The following SLC2A13 variants were observed in gnomAD, a reference collection of about 807,000 sequenced individuals.
SLC2A13 encodes proton myo-inositol cotransporter.
SLC2A13 carries 32 observed loss-of-function variants against 64.4 expected under a neutral mutation model. The observed-to-expected ratio is 0.50, with a 90% CI of 0.37 to 0.67. SLC2A13 has a LOEUF of 0.67. SLC2A13 is among the 30% of genes least tolerant of loss of function. The pLI, the probability that SLC2A13 is intolerant of heterozygous loss-of-function variation, is 0.00. For missense variants in SLC2A13, 743 were observed against 829.2 expected, an observed-to-expected ratio of 0.90 and a Z score of 1.28; for synonymous variants, 338 against 327.1, an observed-to-expected ratio of 1.03 and a Z score of -0.36.
At chr12:39,948,685 T>G (rs1946179758) in intron 4 of SLC2A13, among the ~76,000 whole-genome samples, 1 of 152,134 alleles carries the variant, frequency 6.6e-6, no homozygotes, top group Admixed American at 6.5e-5. Flanking sequence ...AAAACGTATT[T>G]CAACTTCTAC....
At position 40,028,346 on chromosome 12, in the gene SLC2A13, T is replaced by G; in HGVS notation, c.880A>C (p.Ser294Arg). The G allele has an allele frequency of 6.2e-7, 1 of 1,614,072 alleles. No homozygotes were observed. Among genetic ancestry groups the G allele is most frequent in the Non-Finnish European group, 8.5e-7 (1 of 1,179,980 alleles). Reference sequence around the variant, plus strand: ...TCCTCTTCAATGTTGTTTTTGATGCTATCATATTCCTCATCAATGGTCTGG... The same window carrying G: ...TCCTCTTCAATGTTGTTTTTGATGCGATCATATTCCTCATCAATGGTCTGG... ...GNQTIDEEYDSIKNNIEEEEK... is the reference protein window; with the variant it reads ...GNQTIDEEYDRIKNNIEEEEK... The change falls in exon 3 of 10, where the codon AGC becomes CGC. Residue 294 changes from serine to arginine, a missense_variant. By Grantham distance (110) the Ser-to-Arg change is moderately radical. Around this residue, in one of 2 missense-constraint regions of SLC2A13, gnomAD observed 448 missense variants for 447.4 expected, o/e 1.00. Coordinates refer to ENST00000280871, the MANE Select transcript of SLC2A13 (RefSeq NM_052885.4).
At chr12:40,081,405 T>A (rs1186413360) in intron 1 of SLC2A13, among the ~76,000 whole-genome samples, 1 of 152,222 alleles carries the variant, frequency 6.6e-6, no homozygotes, top group Non-Finnish European at 1.5e-5. Flanking sequence ...TTATTTTTTT[T>A]ATTTTGTCCA....
chr12:39,821,192 T>A (rs1245909332), intron 7 of SLC2A13, among the ~76,000 whole-genome samples: 1 of 152,100 alleles, frequency 6.6e-6, no homozygotes, highest in Non-Finnish European at 1.5e-5. Context: ...GGCGGGCGGA[T>A]CATGAGGTCA....
At chr12:39,858,098 A>G (rs1297351223) in intron 6 of SLC2A13, among the ~76,000 whole-genome samples, 1 of 152,214 alleles carries the variant, frequency 6.6e-6, no homozygotes, top group Non-Finnish European at 1.5e-5. Context: ...TAAATGGCAA[A>G]CTTCCTCCAA....
intron 3 of SLC2A13, among the ~76,000 whole-genome samples, chr12:39,969,197 C>T (rs1946594824): frequency 6.6e-6 from 1 of 152,094 alleles, no homozygotes; most frequent in African/African-American, 2.4e-5. Context: ...TCCAGTCTAT[C>T]ATTGATGGAC....
At chr12:39,999,294 C>G (rs992302384) in intron 3 of SLC2A13, among the ~76,000 whole-genome samples, 2 of 152,170 alleles carry the variant, frequency 1.3e-5, no homozygotes, top group East Asian at 3.9e-4. Flanking sequence ...GTCTGACTGC[C>G]CGCGGGGTCA....
chr12:40,085,721 G>A (rs1428007822), intron 1 of SLC2A13, among the ~76,000 whole-genome samples: 5 of 152,174 alleles, frequency 3.3e-5, no homozygotes, highest in Admixed American at 3.3e-4. Context: ...AAATGGCTAT[G>A]TTAGAAGGAA....
intron 7 of SLC2A13, among the ~76,000 whole-genome samples, chr12:39,821,464 C>T (rs1365215122): frequency 5.9e-5 from 9 of 151,984 alleles, no homozygotes; most frequent in Admixed American, 5.3e-4. Context: ...GGGTATCTTG[C>T]TATATCAGTC....
chr12:39,924,424 T>C (rs1350488097), intron 4 of SLC2A13, among the ~76,000 whole-genome samples: 3 of 151,896 alleles, frequency 2.0e-5, no homozygotes, highest in Non-Finnish European at 4.4e-5. Context: ...ATTAGGATCA[T>C]TGTATCATTA....
intron 1 of SLC2A13, among the ~76,000 whole-genome samples, chr12:40,100,969 C>CAAAAAAAA (rs10633826): frequency 1.5e-4 from 13 of 84,558 alleles, no homozygotes; most frequent in African/African-American, 2.0e-4. Flanking sequence ...CCATCTCAGA[C>CAAAAAAAA]AAAAAAAAAA....
intron 7 of SLC2A13, among the ~76,000 whole-genome samples, chr12:39,818,933 A>C (rs956296452): frequency 4.6e-5 from 7 of 152,148 alleles, no homozygotes; most frequent in Non-Finnish European, 1.5e-5. Flanking sequence ...TTCCTAAGCC[A>C]ATTAATTAAA....
chr12:40,071,638 G>A (rs1483843168), intron 1 of SLC2A13, among the ~76,000 whole-genome samples: 1 of 152,098 alleles, frequency 6.6e-6, no homozygotes, highest in East Asian at 1.9e-4. Context: ...TGAACCTGGT[G>A]CTTTCAGTTT....
At chr12:39,780,006 G>A (rs767211038) in intron 7 of SLC2A13, among the ~76,000 whole-genome samples, 1 of 152,184 alleles carries the variant, frequency 6.6e-6, no homozygotes, top group Admixed American at 6.5e-5. Context: ...TTTCCATCAA[G>A]TGTGAGTTCT....
At chr12:39,841,105 G>C (rs77419854) in intron 6 of SLC2A13, among the ~76,000 whole-genome samples, 3 of 151,962 alleles carry the variant, frequency 2.0e-5, no homozygotes, top group African/African-American at 7.2e-5. Flanking sequence ...CCCCTTACAC[G>C]TTGAGGCTAA....
chr12:39,797,775 CAT>C (rs1312756724), intron 7 of SLC2A13, among the ~76,000 whole-genome samples: 6 of 151,888 alleles, frequency 4.0e-5, no homozygotes, highest in Non-Finnish European at 7.4e-5. Flanking sequence ...CACACACACA[CAT>C]ACACGGATGC....
chr12:40,024,736 C>A (rs1947776277), intron 3 of SLC2A13, among the ~76,000 whole-genome samples: 1 of 152,110 alleles, frequency 6.6e-6, no homozygotes, highest in Non-Finnish European at 1.5e-5. Flanking sequence ...TCAATAAATA[C>A]TTTTGAAAGA....
In SLC2A13 at chr12:39,757,966, T is replaced by TTTGA. The variant is rs1592107275; in HGVS notation, c.*2056_*2059dup. On this transcript the variant is annotated 3_prime_UTR_variant, in exon 10 of 10. Transcript: ENST00000280871. Reference sequence around the variant, plus strand: ...GGTCTACTTTTTCTCCTTATTATATTTTGATTGTACCATATAGTAGCTTAT... The same window carrying TTTGA: ...GGTCTACTTTTTCTCCTTATTATATTTTGATTGATTGTACCATATAGTAGCTTAT... 6.6e-6 allele frequency: 1 copy of TTTGA among 152,140 alleles called. No homozygotes were observed. Among genetic ancestry groups the TTTGA allele is most frequent in the African/African-American group, 2.4e-5 (1 of 41,398 alleles). 9.4% of individuals were successfully genotyped at this position (152,140 alleles called of 1,614,324 possible).
rs138533076 is a variant in SLC2A13 at position 39,828,162 on chromosome 12, G to T, written c.1445+1941C>A. Among the ~76,000 whole-genome samples, 754 of 152,172 alleles carry T rather than the reference G, an allele frequency of 5.0e-3. 8 individuals are homozygous for T. The highest frequency in any genetic ancestry group is 0.017 in the African/African-American group (711 of 41,530). The stretch of plus-strand genomic sequence containing the variant: ...CATGGTGAACACATCCTGCCTTTTT[G>T]CTCTTTTCTAGCCAAGACTAAGGAG... On this transcript the variant is annotated intron_variant, in intron 7 of 9. Transcript: ENST00000280871.
intron 4 of SLC2A13, among the ~76,000 whole-genome samples, chr12:39,931,878 T>C (rs1355338799): frequency 6.6e-6 from 1 of 152,130 alleles, no homozygotes; most frequent in Non-Finnish European, 1.5e-5. Flanking sequence ...ATTACTAAAA[T>C]AGTATTATAA....
Sources: allele counts gnomAD v4.1 joint callset (sites outside exome capture counted in the v4.1 genomes callset), GRCh38; gene constraint gnomAD v4.1.1; regional missense constraint gnomAD v4.1.1; transcripts MANE v1.5; gene names NCBI Gene and HGNC (gene_info 2026-07-23, HGNC 2026-07-21).